The following FAM114A1 variants were observed in gnomAD, a reference collection of about 807,000 sequenced individuals.
The protein encoded by FAM114A1 is family with sequence similarity 114 member A1, also known as protein NOXP20.
A neutral mutation model predicts 64.3 loss-of-function variants in FAM114A1; 62 were observed. The observed-to-expected ratio is 0.96, with a 90% CI of 0.79 to 1.19. The LOEUF (loss-of-function observed/expected upper bound fraction) is 1.19, where lower values mean the gene tolerates loss of function less well. Among genes scored for constraint, FAM114A1 ranks in the 50% most tolerant of loss-of-function variants. The pLI is 0.00. For synonymous variants in FAM114A1, 254 were observed against 251.1 expected, an observed-to-expected ratio of 1.01 and a Z score of -0.11; for missense variants, 645 against 676.3, an observed-to-expected ratio of 0.95 and a Z score of 0.51.
intron 10 of FAM114A1, among the ~76,000 whole-genome samples, chr4:38,930,849 T>C (rs1720567039): frequency 6.6e-6 from 1 of 152,188 alleles, no homozygotes; most frequent in South Asian, 2.1e-4. Flanking sequence ...GTGCGTAAAC[T>C]GCACTCATGT....
intron 8 of FAM114A1, among the ~76,000 whole-genome samples, chr4:38,919,908 A>T (rs1560319448): frequency 6.6e-6 from 1 of 152,180 alleles, no homozygotes. Context: ...GATAAAGGTT[A>T]AAGAGAAACT....
intron 10 of FAM114A1, among the ~76,000 whole-genome samples, chr4:38,929,572 G>A (rs1015129548): frequency 6.6e-6 from 1 of 152,260 alleles, no homozygotes; most frequent in Admixed American, 6.5e-5. Context: ...GAGGTCAGGA[G>A]TTTGAGACCA....
Position 38,915,056 on chromosome 4 carries a change from A to C in FAM114A1, c.928A>C (p.Asn310His). The change falls in exon 8 of 15, where the codon AAT becomes CAT. Residue 310 changes from asparagine to histidine, a missense_variant. Asn to His is a moderately conservative substitution (Grantham distance 68). Transcript: ENST00000358869. ...CCTGGAAGCCCTGGAAATTCTGTCC[A>C]ATGAAAGCGAAAGCAAGGTACTTCT... ...SHLEALEILS[N>H]ESESKVQSFL... is the part of the protein sequence containing the mutation. The C allele has an allele frequency of 6.2e-7, 1 of 1,614,176 alleles. No homozygotes were observed. The highest frequency in any genetic ancestry group is 8.5e-7 in the Non-Finnish European group (1 of 1,180,010).
chr4:38,876,822 TGGC>T (rs1714693896), intron 2 of FAM114A1, among the ~76,000 whole-genome samples: 2 of 152,242 alleles, frequency 1.3e-5, no homozygotes, highest in Non-Finnish European at 2.9e-5. Flanking sequence ...CAGCTTCTGG[TGGC>T]CACCCATATT....
Position 38,935,705 on chromosome 4 carries a change from T to TTTC in FAM114A1, c.1464-7_1464-5dup. 1 of 1,564,722 alleles carries TTTC rather than the reference T, an allele frequency of 6.4e-7. No homozygotes were observed. Among genetic ancestry groups the TTTC allele is most frequent in the Non-Finnish European group, 8.6e-7 (1 of 1,159,312 alleles). ...TTGAAAACATCCAAGCTTTTTTTTT[T>TTTC]TTCTTCTTTCAGATTAACTACTGCA... is the stretch of plus-strand genomic sequence containing the variant. On this transcript the variant is annotated splice_polypyrimidine_tract_variant and intron_variant, in intron 12 of 14. Transcript: ENST00000358869.
chr4:38,914,647 G>A (rs1718865023), intron 7 of FAM114A1: 1 of 328,864 alleles, frequency 3.0e-6, no homozygotes, highest in Non-Finnish European at 5.5e-6. Context: ...CACTGTTAAA[G>A]CTTTTGGTGT....
At chr4:38,899,341 C>T (rs116693509) in intron 4 of FAM114A1, among the ~76,000 whole-genome samples, 22 of 151,350 alleles carry the variant, frequency 1.5e-4, no homozygotes, top group African/African-American at 3.9e-4. Context: ...TCCACAGCAC[C>T]GGGCCTTTAT....
intron 4 of FAM114A1, among the ~76,000 whole-genome samples, chr4:38,900,334 A>G (rs141383834): frequency 0.018 from 2,683 of 152,280 alleles, 91 homozygotes; most frequent in African/African-American, 0.06. Context: ...AAGACAGTAC[A>G]ACAGTTCCTC....
rs929419438 is a variant in FAM114A1 at position 38,943,619 on chromosome 4, T to A, written c.*62T>A. ...GCCGCCTTGCCTCAATATGTACCATTTAAGGGGATGTTCTCTGTGCGCCTG... is the reference window on the plus strand; with the variant it reads ...GCCGCCTTGCCTCAATATGTACCATATAAGGGGATGTTCTCTGTGCGCCTG... On this transcript the variant is annotated 3_prime_UTR_variant, in exon 15 of 15. Coordinates refer to ENST00000358869, the MANE Select transcript of FAM114A1 (RefSeq NM_138389.4). The A allele has an allele frequency of 4.2e-6, 6 of 1,418,454 alleles. No homozygotes were observed. Among genetic ancestry groups the A allele is most frequent in the African/African-American group, 1.4e-5 (1 of 71,216 alleles). 87.9% of individuals were successfully genotyped at this position (1,418,454 alleles called of 1,614,324 possible).
intron 7 of FAM114A1, among the ~76,000 whole-genome samples, chr4:38,914,287 G>A (rs1415335666): frequency 2.0e-5 from 3 of 150,716 alleles, no homozygotes; most frequent in Non-Finnish European, 3.0e-5. Context: ...AAATTTGGCC[G>A]GGTGCAGTGG....
At chr4:38,869,148 G>A (rs1467290330) in intron 2 of FAM114A1, among the ~76,000 whole-genome samples, 1 of 152,206 alleles carries the variant, frequency 6.6e-6, no homozygotes, top group African/African-American at 2.4e-5. Flanking sequence ...ACCAACCTAG[G>A]TGCTGTTGGT....
chr4:38,920,565 G>A (rs1383369533), intron 8 of FAM114A1, among the ~76,000 whole-genome samples: 1 of 152,148 alleles, frequency 6.6e-6, no homozygotes, highest in Non-Finnish European at 1.5e-5. Context: ...CCCTTCCCAG[G>A]GGTGCCCCAA....
intron 2 of FAM114A1, 91 bp from the exon 3 acceptor site, chr4:38,877,975 AAAAAG>A: frequency 9.1e-7 from 1 of 1,103,906 alleles, no homozygotes; most frequent in Non-Finnish European, 1.3e-6. Context: ...AAAAAAAAAA[AAAAAG>A]TTTTCCCCTA....
chr4:38,936,453 T>C (rs1281727125), intron 13 of FAM114A1, among the ~76,000 whole-genome samples: 2 of 151,966 alleles, frequency 1.3e-5, no homozygotes, highest in Non-Finnish European at 2.9e-5. Flanking sequence ...ATCTGTGATG[T>C]ATGTACTTCA....
At chr4:38,922,605 T>C (rs1337971959) in intron 8 of FAM114A1, among the ~76,000 whole-genome samples, 165 bp from the exon 9 acceptor site, 1 of 152,200 alleles carries the variant, frequency 6.6e-6, no homozygotes, top group African/African-American at 2.4e-5. Flanking sequence ...CTTATCTAAC[T>C]TGCACAAAGT....
intron 12 of FAM114A1, among the ~76,000 whole-genome samples, chr4:38,933,425 A>T (rs1339373353): frequency 6.6e-6 from 1 of 152,188 alleles, no homozygotes; most frequent in East Asian, 1.9e-4. Context: ...GCTCCTGGGG[A>T]CTTATACCAG....
chr4:38,870,897 T>A (rs527822953), intron 2 of FAM114A1, among the ~76,000 whole-genome samples: 29 of 152,174 alleles, frequency 1.9e-4, no homozygotes, highest in Admixed American at 2.0e-4. Flanking sequence ...AATGATTACA[T>A]TTCCCCCATC....
intron 4 of FAM114A1, among the ~76,000 whole-genome samples, chr4:38,903,475 A>AT (rs1717696621): frequency 6.6e-6 from 1 of 151,986 alleles, no homozygotes; most frequent in Non-Finnish European, 1.5e-5. Flanking sequence ...CCTTGACCTC[A>AT]TTTTTTTCCT....
chr4:38,893,667 G>A (rs1233893876), intron 4 of FAM114A1, among the ~76,000 whole-genome samples: 3 of 152,164 alleles, frequency 2.0e-5, no homozygotes, highest in Non-Finnish European at 2.9e-5. Flanking sequence ...TTTGGGCTTT[G>A]TTGGACCCTC....
Sources: gnomAD v4.1 joint callset for allele counts (sites outside exome capture counted in the v4.1 genomes callset) on GRCh38, gnomAD v4.1.1 for gene constraint, MANE v1.5 for transcripts, NCBI Gene and HGNC (gene_info 2026-07-23, HGNC 2026-07-21) for gene names.